Variants in AMPD3 observed in about 807,000 individuals in gnomAD.
The protein encoded by AMPD3 is adenosine monophosphate deaminase 3.
A neutral mutation model predicts 82.3 loss-of-function variants in AMPD3; 57 were observed. The observed-to-expected ratio is 0.69, with a 90% CI of 0.56 to 0.86. AMPD3 has a LOEUF of 0.86. AMPD3 is among the 40% of genes least tolerant of loss of function. The pLI is 0.00. For missense variants in AMPD3, 870 were observed against 1,003.8 expected, an observed-to-expected ratio of 0.87 and a Z score of 1.80; for synonymous variants, 381 against 394.7, an observed-to-expected ratio of 0.97 and a Z score of 0.41.
At chr11:10,480,287 C>A (rs1848863934) in intron 3 of AMPD3, among the ~76,000 whole-genome samples, 1 of 152,224 alleles carries the variant, frequency 6.6e-6, no homozygotes, top group Non-Finnish European at 1.5e-5. Flanking sequence ...TTAGCCATGG[C>A]ATGAGCCCCT....
intron 2 of AMPD3, among the ~76,000 whole-genome samples, chr11:10,469,207 G>GTT (rs796952267): frequency 1.4e-5 from 2 of 148,074 alleles, no homozygotes; most frequent in Non-Finnish European, 1.5e-5. Flanking sequence ...TCCAGGAGCT[G>GTT]TTTTTTTTTT....
rs1849292341 is a variant in AMPD3 at position 10,493,271 on chromosome 11, C to T, written c.940-78C>T. The T allele has an allele frequency of 1.8e-5, 27 of 1,539,218 alleles. No individual in the cohort carries two copies. In the South Asian group the frequency reaches 2.9e-4, roughly 17 times the overall value. On this transcript the variant is annotated intron_variant, in intron 6 of 14. Transcript: ENST00000396553. Reference sequence around the variant, plus strand: ...CCATGAGGTGCTGGGGTTCTGTGCACATTGAGGGTTGGATGTCTTAACTCT... The same window carrying T: ...CCATGAGGTGCTGGGGTTCTGTGCATATTGAGGGTTGGATGTCTTAACTCT...
chr11:10,456,117 T>A lies in AMPD3; in HGVS notation c.-6+669T>A. 1 of 1,315,284 alleles carries A rather than the reference T, an allele frequency of 7.6e-7. No individual in the cohort carries two copies. The highest frequency in any genetic ancestry group is 9.7e-7 in the Non-Finnish European group (1 of 1,029,608). The allele number at this position is 1,315,284 out of a possible 1,614,324, so 81.5% of individuals were successfully genotyped here. A position where few individuals can be genotyped will look rare whatever the true frequency, so the allele number is the denominator to read the frequency against. On this transcript the variant is annotated intron_variant, in intron 1 of 14. Transcript: ENST00000396553. The surrounding 1 kb of genome is among the most constrained non-coding windows in gnomAD (Gnocchi z 4.3). ...CACTGCATTCAGGATACCACAGCCA[T>A]TTTGTTTTGGATAACTGGGATTACC... is the stretch of plus-strand genomic sequence containing the variant.
At chr11:10,500,931 G>T (rs1849562220) in intron 11 of AMPD3, 2 of 985,242 alleles carry the variant, frequency 2.0e-6, no homozygotes, top group African/African-American at 3.5e-5. Context: ...AGCCTAAACT[G>T]GTGCTAGTTG....
intron 1 of AMPD3, among the ~76,000 whole-genome samples, chr11:10,458,031 C>T (rs1370156281): frequency 1.3e-5 from 2 of 152,014 alleles, no homozygotes. Context: ...TGGGTCAGGC[C>T]TGTGTGTGTC....
At chr11:10,505,192 G>A in intron 14 of AMPD3, 1 of 985,456 alleles carries the variant, frequency 1.0e-6, no homozygotes, top group Non-Finnish European at 1.2e-6. Flanking sequence ...TGAGACCCAT[G>A]TTCTGATGTA....
intron 2 of AMPD3, among the ~76,000 whole-genome samples, chr11:10,470,583 A>C (rs1444971435): frequency 2.0e-5 from 3 of 152,224 alleles, no homozygotes; most frequent in Non-Finnish European, 4.4e-5. Context: ...CTCAGCCCCA[A>C]ATCTCCTTAA....
At chr11:10,505,454 C>T (rs1316833658) in intron 14 of AMPD3, 34 of 985,188 alleles carry the variant, frequency 3.5e-5, no homozygotes, top group Non-Finnish European at 4.1e-5. Flanking sequence ...CCTTATCTTT[C>T]CTCTCTGATC....
At chr11:10,504,011 A>G (rs1849647053) in intron 13 of AMPD3, 1 of 985,184 alleles carries the variant, frequency 1.0e-6, no homozygotes. Context: ...GCAAAACCAC[A>G]GCTCAAACCC....
chr11:10,450,524 G>C (rs1237681039), upstream of AMPD3: 6 of 986,084 alleles, frequency 6.1e-6, no homozygotes, highest in African/African-American at 8.7e-5. Flanking sequence ...GGGCAAGCCC[G>C]GGCGGCACGG....
Position 10,502,903 on chromosome 11 carries a change from T to C in AMPD3, c.2016+9T>C. 1 of 1,614,036 alleles carries C rather than the reference T, an allele frequency of 6.2e-7. No homozygotes were observed. The highest frequency in any genetic ancestry group is 1.7e-5 in the Admixed American group (1 of 60,024). On this transcript the variant is annotated intron_variant, in intron 13 of 14. Transcript: ENST00000396553. ...AGTTCCACTACACGAAGGTAAGGAC[T>C]TTGGGGTGAGGACAGTAGTGCTTCA...
intron 1 of AMPD3, chr11:10,455,850 G>T: frequency 5.2e-6 from 5 of 959,824 alleles, no homozygotes; most frequent in Non-Finnish European, 6.2e-6. Context: ...GAAGAGGCAG[G>T]TCGGGCTGTA....
chr11:10,498,221 G>A (rs535089447), intron 10 of AMPD3, among the ~76,000 whole-genome samples: 3 of 152,280 alleles, frequency 2.0e-5, no homozygotes, highest in East Asian at 1.9e-4. Flanking sequence ...GGTGAGAAGC[G>A]GTGGGCGTAC....
intron 3 of AMPD3, 99 bp downstream of exon 3, chr11:10,478,829 C>T (rs529226844): frequency 1.5e-5 from 20 of 1,293,938 alleles, no homozygotes; most frequent in South Asian, 1.3e-4. Context: ...TGGCCCTGTC[C>T]GTGGATGTCT....
chr11:10,476,810 TG>T, intron 2 of AMPD3: 1 of 581,328 alleles, frequency 1.7e-6, no homozygotes, highest in Non-Finnish European at 2.2e-6. Context: ...GTGGCATCCC[TG>T]GGGCAGGATG....
At chr11:10,476,360 C>T (rs1472491728) in intron 2 of AMPD3, among the ~76,000 whole-genome samples, 2 of 152,214 alleles carry the variant, frequency 1.3e-5, no homozygotes, top group Non-Finnish European at 2.9e-5. Flanking sequence ...ATTCTTTGGG[C>T]ACCAGTTTGT....
chr11:10,456,673 C>T lies in AMPD3; in HGVS notation c.-6+1225C>T, dbSNP rs1848103768. The T allele has an allele frequency of 3.2e-6, 3 of 947,570 alleles. No homozygotes were observed. Among genetic ancestry groups the T allele is most frequent in the Middle Eastern group, 5.4e-4 (1 of 1,850 alleles). The allele number at this position is 947,570 out of a possible 1,614,324, so 58.7% of individuals were successfully genotyped here. On this transcript the variant is annotated intron_variant, in intron 1 of 14. Transcript: ENST00000396553. The surrounding 1 kb of genome is among the most constrained non-coding windows in gnomAD (Gnocchi z 4.3). ...TGAATTCACAGCTAAGCCTCCCAAG[C>T]CTGCTGGCTTCAGCTGACAAAGGGT... is the stretch of plus-strand genomic sequence containing the variant.
At chr11:10,490,520 AGGTGAACAC>A (rs940230220) in intron 6 of AMPD3, 8 of 985,326 alleles carry the variant, frequency 8.1e-6, no homozygotes, top group African/African-American at 3.5e-5. Context: ...CTGAGGTCTT[AGGTGAACAC>A]GGGGAATGCA....
At chr11:10,475,724 C>A (rs1482604779) in intron 2 of AMPD3, among the ~76,000 whole-genome samples, 2 of 152,140 alleles carry the variant, frequency 1.3e-5, no homozygotes, top group East Asian at 3.9e-4. Flanking sequence ...GAGGGGAGGG[C>A]AGAGAGATTC....
Sources: allele counts gnomAD v4.1 joint callset (sites outside exome capture counted in the v4.1 genomes callset), GRCh38; gene constraint gnomAD v4.1.1; non-coding constraint Gnocchi (gnomAD v3.1); transcripts MANE v1.5; gene names NCBI Gene and HGNC (gene_info 2026-07-23, HGNC 2026-07-21).